The following ATIC variants were observed in gnomAD, a reference collection of about 807,000 sequenced individuals.
ATIC encodes bifunctional purine biosynthesis protein ATIC.
ATIC carries 64 observed loss-of-function variants against 72.5 expected under a neutral mutation model. The ratio of observed to expected loss-of-function variants is 0.88; its 90% confidence interval spans 0.72 to 1.09. ATIC has a LOEUF of 1.09. Among genes scored for constraint, ATIC ranks in the 50% least tolerant of loss-of-function variants. The pLI is 0.00. For missense variants in ATIC, 787 were observed against 732.4 expected, an observed-to-expected ratio of 1.07 and a Z score of -0.86; for synonymous variants, 281 against 267.1, an observed-to-expected ratio of 1.05 and a Z score of -0.51.
chr2:215,325,802 G>T (rs7563274), intron 5 of ATIC, among the ~76,000 whole-genome samples, 185 bp from the exon 6 acceptor site: 33,262 of 151,982 alleles, frequency 0.22, 4,432 homozygotes, highest in Non-Finnish European at 0.3. Flanking sequence ...CTGACCTCAG[G>T]TGATCCACCT....
the ATIC span, among the ~76,000 whole-genome samples, chr2:215,363,971 C>T: frequency 6.6e-6 from 1 of 152,196 alleles, no homozygotes; most frequent in African/African-American, 2.4e-5. Context: ...CCCACCTGGG[C>T]CAGCTCCTTT....
At chr2:215,333,966 C>T (rs1328097430) in intron 9 of ATIC, among the ~76,000 whole-genome samples, 8 of 151,072 alleles carry the variant, frequency 5.3e-5, no homozygotes, top group African/African-American at 9.7e-5. Flanking sequence ...GGTGTGAACC[C>T]GGCAGGTGGA....
chr2:215,366,591 A>C, the ATIC span, among the ~76,000 whole-genome samples: 2 of 152,236 alleles, frequency 1.3e-5, no homozygotes, highest in Admixed American at 1.3e-4. Context: ...ATGACTTTTT[A>C]ACCTCCAGGG....
At position 215,326,108 on chromosome 2, in the gene ATIC, C is replaced by G. The variant is rs1235574542; in HGVS notation, c.501C>G (p.Ser167=). 6.2e-7 allele frequency: 1 copy of G among 1,613,922 alleles called. No individual in the cohort carries two copies. The highest frequency in any genetic ancestry group is 8.5e-7 in the Non-Finnish European group (1 of 1,179,978). ...AGAGCTCCGAGAGTAAGGACACCTC[C>G]TTGGAGACTAGACGCCAGTTAGCCT... ...EMQSSESKDT[S]LETRRQLALK... Residue 167 remains serine, a synonymous_variant, in exon 6 of 16, where the codon TCC becomes TCG. Transcript: ENST00000236959.
the ATIC span, chr2:215,368,073 C>A: frequency 4.4e-6 from 7 of 1,587,734 alleles, no homozygotes; most frequent in African/African-American, 1.3e-5. Flanking sequence ...TCTTATTAAT[C>A]GATTTGGACC....
chr2:215,312,240 G>A (rs577329535), intron 1 of ATIC, 79 bp downstream of exon 1: 49 of 1,447,748 alleles, frequency 3.4e-5, no homozygotes, highest in South Asian at 2.3e-4. Context: ...CGGCCGGCGG[G>A]ACCCGGCACT....
chr2:215,318,371 G>T, intron 3 of ATIC, 138 bp downstream of exon 3: 1 of 824,774 alleles, frequency 1.2e-6, no homozygotes, highest in Non-Finnish European at 2.0e-6. Context: ...GTTGCTGCCA[G>T]ATTTCATAAT....
rs192979460 is a variant in ATIC at position 215,341,864 on chromosome 2, G to T, written c.1228-2915G>T. 2.4e-3 allele frequency among the ~76,000 whole-genome samples: 361 copies of T among 152,148 alleles called. 1 individual carries two copies. The highest frequency in any genetic ancestry group is 8.2e-3 in the African/African-American group (340 of 41,520). On this transcript the variant is annotated intron_variant, in intron 12 of 15. Transcript: ENST00000236959. Reference sequence around the variant, plus strand: ...CTGCTATGAAGAAATTCCTGAGACTGGGCAATTTATAAAGAAAAGAGGTTT... The same window carrying T: ...CTGCTATGAAGAAATTCCTGAGACTTGGCAATTTATAAAGAAAAGAGGTTT...
chr2:215,354,190 G>A (rs576191520), downstream of ATIC, among the ~76,000 whole-genome samples: 4 of 151,680 alleles, frequency 2.6e-5, no homozygotes, highest in South Asian at 6.3e-4. Flanking sequence ...CACCACACCC[G>A]GCCAATTTTT....
chr2:215,314,716 A>C (rs2052690867), intron 2 of ATIC, among the ~76,000 whole-genome samples: 1 of 151,910 alleles, frequency 6.6e-6, no homozygotes. Flanking sequence ...GGCCAGGCTG[A>C]TCTCGAACTC....
intron 7 of ATIC, among the ~76,000 whole-genome samples, chr2:215,330,367 A>G (rs2052877675): frequency 6.6e-6 from 1 of 152,064 alleles, no homozygotes; most frequent in South Asian, 2.1e-4. Flanking sequence ...TTATTTTTTT[A>G]GAGTAGTTAC....
intron 9 of ATIC, among the ~76,000 whole-genome samples, chr2:215,333,906 G>A (rs112258070): frequency 0.22 from 33,189 of 151,406 alleles, 3,820 homozygotes; most frequent in East Asian, 0.5. Flanking sequence ...GCTGGGCGTG[G>A]TGGGGGGTAC....
chr2:215,329,936 AT>A (rs1448947479), intron 7 of ATIC, among the ~76,000 whole-genome samples: 1 of 151,986 alleles, frequency 6.6e-6, no homozygotes, highest in Non-Finnish European at 1.5e-5. Context: ...TAATTTTTGT[AT>A]TTTTAGTAAA....
chr2:215,346,478 C>CTT (rs112969952), intron 13 of ATIC, among the ~76,000 whole-genome samples: 1 of 144,626 alleles, frequency 6.9e-6, no homozygotes, highest in Non-Finnish European at 1.5e-5. Context: ...TTTATTTTAA[C>CTT]TTTTTTTTTT....
chr2:215,326,233 T>C (rs1359306797), intron 6 of ATIC, 95 bp downstream of exon 6: 2 of 1,458,962 alleles, frequency 1.4e-6, no homozygotes, highest in Admixed American at 3.5e-5. Flanking sequence ...TTGCATTACC[T>C]ACCAAAGCTT....
chr2:215,326,072 C>T lies in ATIC; in HGVS notation c.465C>T (p.Ser155=), dbSNP rs749522590. The change falls in exon 6 of 16, where the codon TCC becomes TCT. Residue 155 remains serine (S), a synonymous_variant. Transcript: ENST00000236959. ...AACCAGAGGACTATGTGGTGGTGTC[C>T]ACGGAGATGCAGAGCTCCGAGAGTA... The part of the protein sequence containing the change: ...VCEPEDYVVV[S]TEMQSSESKD... The T allele has an allele frequency of 6.3e-5, 102 of 1,613,960 alleles. No homozygotes were observed. Among genetic ancestry groups the T allele is most frequent in the Non-Finnish European group, 8.6e-5 (101 of 1,180,006 alleles).
chr2:215,316,556 C>T (rs4672765), intron 2 of ATIC, among the ~76,000 whole-genome samples: 39,281 of 152,052 alleles, frequency 0.26, 6,013 homozygotes, highest in South Asian at 0.47. Flanking sequence ...GGCTGGGCAA[C>T]ATAGTGAGAT....
the ATIC span, among the ~76,000 whole-genome samples, chr2:215,354,997 C>T: frequency 3.9e-5 from 6 of 152,012 alleles, no homozygotes; most frequent in Non-Finnish European, 7.4e-5. Context: ...ATTCTTCACT[C>T]TGGAAAACGA....
intron 1 of ATIC, 155 bp downstream of exon 1, chr2:215,312,316 G>A (rs1220415287): frequency 1.4e-5 from 20 of 1,453,542 alleles, no homozygotes; most frequent in Non-Finnish European, 1.6e-5. Context: ...CAGCCTGCGT[G>A]GGGCCCGCCT....
Sources: allele counts gnomAD v4.1 joint callset (sites outside exome capture counted in the v4.1 genomes callset), GRCh38; gene constraint gnomAD v4.1.1; transcripts MANE v1.5; gene names NCBI Gene and HGNC (gene_info 2026-07-23, HGNC 2026-07-21).